Variants in CTNNA3 observed in about 807,000 individuals in gnomAD.
CTNNA3 encodes catenin alpha 3, also known as catenin alpha-3.
CTNNA3 carries 76 observed loss-of-function variants against 95.7 expected under a neutral mutation model. That is an observed-to-expected ratio of 0.79 (90% CI 0.66 to 0.96). The LOEUF is 0.96. Among genes scored for constraint, CTNNA3 ranks in the 40% least tolerant of loss-of-function variants. The pLI is 0.00. For missense variants in CTNNA3, 1,191 were observed against 1,089.8 expected (o/e 1.09, Z -1.31); for synonymous variants, 431 against 374.4 (o/e 1.15, Z -1.74).
At chr10:67,215,970 G>A (rs1317491606) in intron 6 of CTNNA3, among the ~76,000 whole-genome samples, 1 of 151,546 alleles carries the variant, frequency 6.6e-6, no homozygotes, top group East Asian at 2.0e-4. Context: ...CCATAATTCA[G>A]TTATCAGATT....
intron 7 of CTNNA3, among the ~76,000 whole-genome samples, chr10:66,976,011 G>T (rs1297534856): frequency 1.3e-5 from 2 of 152,266 alleles, no homozygotes; most frequent in African/African-American, 4.8e-5. Context: ...TCTACCAACT[G>T]CCCTCTTTAA....
intron 7 of CTNNA3, among the ~76,000 whole-genome samples, chr10:67,125,529 T>G (rs1859682041): frequency 6.6e-6 from 1 of 152,210 alleles, no homozygotes; most frequent in African/African-American, 2.4e-5. Flanking sequence ...TCTATGAATA[T>G]TAAACATTTA....
At chr10:66,774,652 T>A (rs80031896) in intron 8 of CTNNA3, among the ~76,000 whole-genome samples, 3,178 of 152,302 alleles carry the variant, frequency 0.021, 114 homozygotes, top group African/African-American at 0.073. Flanking sequence ...CGATAATACA[T>A]TGCATTAAAA....
At position 67,140,595 on chromosome 10, in the gene CTNNA3, T is replaced by C. The variant is rs574527426; in HGVS notation, c.1047+39722A>G. On this transcript the variant is annotated intron_variant, in intron 7 of 17. Coordinates refer to ENST00000433211, the MANE Select transcript of CTNNA3 (RefSeq NM_013266.4). The stretch of plus-strand genomic sequence containing the variant: ...CCCTATAAGTTGGAAGAAAAACAAG[T>C]ATAATTTAAAAGACAGCTAAAATGT... 5.5e-4 allele frequency among the ~76,000 whole-genome samples: 83 copies of C among 152,270 alleles called. 1 individual carries two copies. The South Asian group carries it at 0.017, about 31-fold the overall frequency.
chr10:66,775,225 A>T (rs555134511), intron 8 of CTNNA3, among the ~76,000 whole-genome samples: 11 of 152,194 alleles, frequency 7.2e-5, no homozygotes, highest in Admixed American at 1.3e-4. Flanking sequence ...ATTTGAATGT[A>T]ATTCTGTCTG....
intron 5 of CTNNA3, among the ~76,000 whole-genome samples, chr10:67,416,258 AAT>A (rs1276248737): frequency 1.3e-5 from 2 of 152,168 alleles, no homozygotes; most frequent in Non-Finnish European, 2.9e-5. Flanking sequence ...AACAAAGCCT[AAT>A]ATCCAGAATC....
intron 9 of CTNNA3, among the ~76,000 whole-genome samples, chr10:66,716,883 G>C (rs139956724): frequency 1.2e-4 from 19 of 152,202 alleles, no homozygotes; most frequent in African/African-American, 4.6e-4. Context: ...CTAGCTATCT[G>C]GTCAAATATT....
intron 1 of CTNNA3, among the ~76,000 whole-genome samples, chr10:67,715,892 C>T (rs1414740817): frequency 6.6e-6 from 1 of 151,992 alleles, no homozygotes; most frequent in Non-Finnish European, 1.5e-5. Context: ...TTTTTAAATG[C>T]AGATTTAGTT....
intron 12 of CTNNA3, among the ~76,000 whole-genome samples, chr10:66,323,048 T>C (rs995716606): frequency 3.3e-5 from 5 of 151,938 alleles, no homozygotes; most frequent in African/African-American, 4.8e-5. Flanking sequence ...TCAGGACTTA[T>C]TTGGCTTATG....
At chr10:66,806,850 G>A (rs568635588) in intron 7 of CTNNA3, among the ~76,000 whole-genome samples, 118 of 149,478 alleles carry the variant, frequency 7.9e-4, no homozygotes, top group African/African-American at 2.8e-3. Flanking sequence ...ATATATATTC[G>A]GCAAGTATTT....
In CTNNA3 at chr10:65,988,708, C is replaced by T. The variant is rs367848292; in HGVS notation, c.2249G>A (p.Arg750Gln). 4 of 1,612,856 alleles carry T rather than the reference C, an allele frequency of 2.5e-6. No individual in the cohort carries two copies. Among genetic ancestry groups the T allele is most frequent in the Non-Finnish European group, 2.5e-6 (3 of 1,179,246 alleles). The change falls in exon 16 of 18, where the codon CGG (arginine) becomes CAG (glutamine). Residue 750 changes from arginine to glutamine, a missense_variant. Transcript: ENST00000433211. ...GTAACTCACCTGATTAGCAATCTGC[C>T]GAGCAAGGACATCCATCCTTGATCC... is the stretch of plus-strand genomic sequence containing the variant. ...ESGSRMDVLA[R>Q]QIANQCPDPS...
intron 7 of CTNNA3, among the ~76,000 whole-genome samples, chr10:66,956,583 T>C (rs1848803566): frequency 6.6e-6 from 1 of 152,164 alleles, no homozygotes; most frequent in South Asian, 2.1e-4. Flanking sequence ...TCCAGTGAAA[T>C]GTTCTCTGCA....
At chr10:67,365,655 G>C (rs1315487106) in intron 5 of CTNNA3, among the ~76,000 whole-genome samples, 2 of 152,192 alleles carry the variant, frequency 1.3e-5, no homozygotes, top group Admixed American at 1.3e-4. Context: ...TCAGAGAAAT[G>C]CAAATCAAAA....
intron 5 of CTNNA3, among the ~76,000 whole-genome samples, chr10:67,478,230 G>C (rs1006680054): frequency 6.6e-6 from 1 of 152,130 alleles, no homozygotes; most frequent in Non-Finnish European, 1.5e-5. Flanking sequence ...TCTGTGAGAG[G>C]AGAAAAAGTA....
chr10:66,352,832 C>G (rs1193938056), intron 12 of CTNNA3, among the ~76,000 whole-genome samples: 1 of 152,008 alleles, frequency 6.6e-6, no homozygotes, highest in Non-Finnish European at 1.5e-5. Flanking sequence ...TCTGGCAAAA[C>G]TATTTTTAAA....
rs976502009 is a variant in CTNNA3, at chr10:67,505,223, T to C, written c.579+16619A>G. ...CAAACACTGACAAAGAAGACTGAAA[T>C]TGGATACTTACCAGAATAATCTCCC... On this transcript the variant is annotated intron_variant, in intron 5 of 17. Coordinates refer to ENST00000433211, the MANE Select transcript of CTNNA3 (RefSeq NM_013266.4). 1.8e-4 allele frequency among the ~76,000 whole-genome samples: 27 copies of C among 152,220 alleles called. 1 individual carries two copies. The highest frequency in any genetic ancestry group is 6.5e-4 in the African/African-American group (27 of 41,464).
intron 11 of CTNNA3, among the ~76,000 whole-genome samples, chr10:66,477,943 A>C (rs1295165547): frequency 6.6e-6 from 1 of 152,076 alleles, no homozygotes; most frequent in African/African-American, 2.4e-5. Context: ...TTAATTTTGA[A>C]TGCCTTCAAG....
At chr10:67,700,548 G>A (rs2133602270), upstream of CTNNA3, among the ~76,000 whole-genome samples, 1 of 152,274 alleles carries the variant, frequency 6.6e-6, no homozygotes, top group East Asian at 1.9e-4. Flanking sequence ...AACTCCAACA[G>A]ACCTGCAGCT....
chr10:67,038,315 C>T (rs1168447677), intron 7 of CTNNA3, among the ~76,000 whole-genome samples: 3 of 152,032 alleles, frequency 2.0e-5, no homozygotes, highest in South Asian at 4.1e-4. Flanking sequence ...AATGTAGTCA[C>T]TTCAATGTGC....
Sources: gnomAD v4.1 joint callset for allele counts (sites outside exome capture counted in the v4.1 genomes callset) on GRCh38, gnomAD v4.1.1 for gene constraint, MANE v1.5 for transcripts, NCBI Gene and HGNC (gene_info 2026-07-23, HGNC 2026-07-21) for gene names.